The following ZNF518B variants were observed in gnomAD, a reference collection of about 807,000 sequenced individuals.
The protein encoded by ZNF518B is zinc finger protein 518B.
In ZNF518B, 23 loss-of-function variants were observed where a neutral mutation model predicts 56.3. That is an observed-to-expected ratio of 0.41 (90% confidence interval 0.29 to 0.58). The LOEUF (loss-of-function observed/expected upper bound fraction) is 0.58, where lower values mean the gene tolerates loss of function less well. Among genes scored for constraint, ZNF518B ranks in the 20% least tolerant of loss-of-function variants. The pLI, the probability that ZNF518B is intolerant of heterozygous loss-of-function variation, is 0.32. For synonymous variants in ZNF518B, 529 were observed against 465.9 expected (o/e 1.14, Z -1.74); for missense variants, 1,460 against 1,272.1 (o/e 1.15, Z -2.25).
Position 10,443,263 on chromosome 4 carries a change from C to G in ZNF518B, c.3066G>C (p.Gln1022His), listed in dbSNP as rs1246536908. The G allele has an allele frequency of 6.2e-7, 1 of 1,614,194 alleles. No homozygotes were observed. The highest frequency in any genetic ancestry group is 8.5e-7 in the Non-Finnish European group (1 of 1,180,028). Residue 1022 changes from glutamine to histidine, a missense_variant, in exon 3 of 3, where the codon CAG becomes CAC. By Grantham distance (24) the Gln-to-His change is conservative. Transcript: ENST00000326756. ...AATCATCAGGCAAGGAATCCACTAC[C>G]TGGTAGTTGTTTTTATGAACTTTTT... ...KLKKVHKNNYQVVDSLPDDSS... is the reference protein window; with the variant it reads ...KLKKVHKNNYHVVDSLPDDSS...
Position 10,443,301 on chromosome 4 carries a change from T to A in ZNF518B, c.3028A>T (p.Lys1010Ter). The A allele has an allele frequency of 6.2e-7, 1 of 1,614,222 alleles. No individual in the cohort carries two copies. Among genetic ancestry groups the A allele is most frequent in the Non-Finnish European group, 8.5e-7 (1 of 1,180,032 alleles). Reference sequence around the variant, plus strand: ...TTATGAACTTTTTTGAGTTTCATTTTCAACATCATTTGCCTTTTAATTTGA... The same window carrying A: ...TTATGAACTTTTTTGAGTTTCATTTACAACATCATTTGCCTTTTAATTTGA... ...ASQIKRQMMLKMKLKKVHKNN... is the reference protein window; with the variant it reads ...ASQIKRQMML The change falls in exon 3 of 3, where the codon AAA becomes TAA. Residue 1010 changes from lysine to a stop codon, truncating the protein, a stop_gained. Coordinates refer to ENST00000326756, the MANE Select transcript of ZNF518B (RefSeq NM_053042.3). LOFTEE classifies it high-confidence loss of function.
upstream of ZNF518B, among the ~76,000 whole-genome samples, chr4:10,458,086 T>C (rs887561759): frequency 6.6e-6 from 1 of 152,278 alleles, no homozygotes; most frequent in African/African-American, 2.4e-5. Flanking sequence ...TCCTGCCTCC[T>C]GGACTTCGGT....
rs1033417379 is a variant in ZNF518B at position 10,457,400 on chromosome 4, T to G, written c.-479A>C. On this transcript the variant is annotated 5_prime_UTR_variant, in exon 1 of 3. Transcript: ENST00000326756. ...CAGACCGCCGGCGCCGCGCCCGCTGTAGGTCCCTACCCGGGGGGCGGAGCC... is the reference window on the plus strand; with the variant it reads ...CAGACCGCCGGCGCCGCGCCCGCTGGAGGTCCCTACCCGGGGGGCGGAGCC... 1.3e-5 allele frequency: 2 copies of G among 151,784 alleles called. No individual in the cohort carries two copies. The highest frequency in any genetic ancestry group is 4.8e-5 in the African/African-American group (2 of 41,360). 9.4% of individuals were successfully genotyped at this position (151,784 alleles called of 1,614,324 possible). A position where few individuals can be genotyped will look rare whatever the true frequency, so the allele number is the denominator to read the frequency against.
intron 2 of ZNF518B, among the ~76,000 whole-genome samples, chr4:10,449,134 CA>C (rs1715195058): frequency 6.6e-6 from 1 of 152,164 alleles, no homozygotes; most frequent in African/African-American, 2.4e-5. Context: ...CCAAGAAAAC[CA>C]AAGCCTAAGG....
At position 10,446,377 on chromosome 4, in the gene ZNF518B, C is replaced by G; in HGVS notation, c.-49G>C. ...CCAACTAAAATTCAGAAAGTTTTCA[C>G]ATGATAAAATCCTTAGGAGATATCC... is the stretch of plus-strand genomic sequence containing the variant. On this transcript the variant is annotated 5_prime_UTR_variant, in exon 3 of 3. It removes an upstream start codon present in the reference 5' UTR. Transcript: ENST00000326756. The G allele has an allele frequency of 6.4e-7, 1 of 1,553,390 alleles. No individual in the cohort carries two copies. Among genetic ancestry groups the G allele is most frequent in the Non-Finnish European group, 8.8e-7 (1 of 1,136,288 alleles).
Position 10,445,735 on chromosome 4 carries a change from AC to A in ZNF518B, c.593del (p.Gly198ValfsTer46), listed in dbSNP as rs1560171313. 1 of 1,614,104 alleles carries A rather than the reference AC, an allele frequency of 6.2e-7. No homozygotes were observed. The highest frequency in any genetic ancestry group is 8.5e-7 in the Non-Finnish European group (1 of 1,180,024). On this transcript the variant is annotated frameshift_variant, in exon 3 of 3. Transcript: ENST00000326756. LOFTEE classifies it low-confidence loss of function (END_TRUNC). ...FPYQCEYCDY[G>X]AIRNDYIVKH... ...TGACAATATAATCATTTCTAATAGC[AC>A]CATAGTCACAATACTCACACTGATA... is the stretch of plus-strand genomic sequence containing the variant.
chr4:10,443,626 G>T lies in ZNF518B; in HGVS notation c.2703C>A (p.Asn901Lys). 1 of 1,614,062 alleles carries T rather than the reference G, an allele frequency of 6.2e-7. No homozygotes were observed. Among genetic ancestry groups the T allele is most frequent in the Middle Eastern group, 1.6e-4 (1 of 6,062 alleles). ...AGCGGCTAGGTTCAGCTTGAATTTTGTTTTTCTTCCTGGATAAGTGTACTT... is the reference window on the plus strand; with the variant it reads ...AGCGGCTAGGTTCAGCTTGAATTTTTTTTTTCTTCCTGGATAAGTGTACTT... ...TKQVHLSRKKNKIQAEPSRCL... is the reference protein window; with the variant it reads ...TKQVHLSRKKKKIQAEPSRCL... Residue 901 changes from asparagine (N) to lysine (K), a missense_variant, in exon 3 of 3, where the codon AAC becomes AAA. By Grantham distance (94) the Asn-to-Lys change is moderately conservative. Coordinates refer to ENST00000326756, the MANE Select transcript of ZNF518B (RefSeq NM_053042.3).
chr4:10,460,304 C>CAAAAAAAAAAAAAAA (rs1210892613), upstream of ZNF518B, among the ~76,000 whole-genome samples: 1 of 8,802 alleles, frequency 1.1e-4, no homozygotes, highest in Non-Finnish European at 1.6e-4. Context: ...GACTCTGTCT[C>CAAAAAAAAAAAAAAA]AAAAAAAAAA....
At position 10,444,744 on chromosome 4, in the gene ZNF518B, G is replaced by C. The variant is rs748897328; in HGVS notation, c.1585C>G (p.Pro529Ala). ...NLHSSSQQLLPFAASPATCSF... is the reference protein window; with the variant it reads ...NLHSSSQQLLAFAASPATCSF... ...CAGGTTGCAGGTGATGCAGCAAATG[G>C]GAGTAACTGCTGTGAGCTACTGTGT... is the stretch of plus-strand genomic sequence containing the variant. Residue 529 changes from proline (P) to alanine (A), a missense_variant, in exon 3 of 3, where the codon CCA becomes GCA. Physicochemically the swap from Pro to Ala is conservative, Grantham distance 27 (BLOSUM62 -1). Transcript: ENST00000326756. The C allele has an allele frequency of 6.2e-7, 1 of 1,613,996 alleles. No homozygotes were observed. Among genetic ancestry groups the C allele is most frequent in the South Asian group, 1.1e-5 (1 of 91,070 alleles).
chr4:10,445,185 A>T lies in ZNF518B; in HGVS notation c.1144T>A (p.Ser382Thr), dbSNP rs1714934650. ...LEAGRDNGGN[S>T]ERMVKEKGSN... is the part of the protein sequence containing the mutation. ...CCCTTCTCTTTCACCATACGTTCAG[A>T]ATTACCTCCATTATCCCTCCCAGCT... The change falls in exon 3 of 3, where the codon TCT becomes ACT. Residue 382 changes from serine to threonine, a missense_variant. Physicochemically the swap from Ser to Thr is moderately conservative, Grantham distance 58. Transcript: ENST00000326756. 6.2e-7 allele frequency: 1 copy of T among 1,614,186 alleles called. No individual in the cohort carries two copies. Among genetic ancestry groups the T allele is most frequent in the South Asian group, 1.1e-5 (1 of 91,082 alleles).
upstream of ZNF518B, among the ~76,000 whole-genome samples, chr4:10,459,873 G>A (rs147133028): frequency 1.1e-3 from 175 of 152,202 alleles, 1 homozygote; most frequent in African/African-American, 4.1e-3. Flanking sequence ...ATGTTTGTTT[G>A]GTACAGCCAC....
rs1714607868 is a variant in ZNF518B at position 10,440,166 on chromosome 4, A to G, written c.*2938T>C. The stretch of plus-strand genomic sequence containing the variant: ...AAAGGGATGGAGCTTGTGAGAAAAT[A>G]TATTTTGTTCAGTCTAGTTCAACAG... On this transcript the variant is annotated 3_prime_UTR_variant, in exon 3 of 3. Transcript: ENST00000326756. The G allele has an allele frequency of 6.6e-6, 1 of 152,356 alleles. No individual in the cohort carries two copies. The highest frequency in any genetic ancestry group is 2.1e-4 in the South Asian group (1 of 4,834). The allele number at this position is 152,356 out of a possible 1,614,324, so 9.4% of individuals were successfully genotyped here.
Position 10,446,008 on chromosome 4 carries a change from C to T in ZNF518B, c.321G>A (p.Ala107=), listed in dbSNP as rs1287568633. The change falls in exon 3 of 3, where the codon GCG becomes GCA. Residue 107 remains alanine (A), a synonymous_variant. Coordinates refer to ENST00000326756, the MANE Select transcript of ZNF518B (RefSeq NM_053042.3). ...NFHFVSNNSS[A]THVGNKTENF... is the part of the protein sequence containing the mutation. ...TTTCAGTTTTATTTCCAACATGAGT[C>T]GCACTGGAATTATTGCTCACAAAAT... is the stretch of plus-strand genomic sequence containing the variant. The T allele has an allele frequency of 1.2e-6, 2 of 1,613,954 alleles. No homozygotes were observed. The highest frequency in any genetic ancestry group is 1.3e-5 in the African/African-American group (1 of 74,904).
rs769591159 is a variant in ZNF518B, at chr4:10,444,970, G to C, written c.1359C>G (p.Ser453=). 30 of 1,612,646 alleles carry C rather than the reference G, an allele frequency of 1.9e-5. No individual in the cohort carries two copies. The highest frequency in any genetic ancestry group is 3.4e-5 in the Admixed American group (2 of 59,572). The change falls in exon 3 of 3, where the codon TCC becomes TCG. Residue 453 remains serine (S), a synonymous_variant. Transcript: ENST00000326756. ...CCTCAATTGTTTCCGAATTAATGAA[G>C]GATTTTCCATTGTTGTGCACACTAG... is the stretch of plus-strand genomic sequence containing the variant. ...PNSSVHNNGK[S]FINSETIEDF...
rs1577216913 is a variant in ZNF518B, at chr4:10,440,404, T to C, written c.*2700A>G. ...AAAAAATAAGTTGAAAATGATTTTA[T>C]TGGCAGTATTAACAAAATGTAGTGA... On this transcript the variant is annotated 3_prime_UTR_variant, in exon 3 of 3. Transcript: ENST00000326756. 6.6e-6 allele frequency: 1 copy of C among 152,618 alleles called. No homozygotes were observed. Among genetic ancestry groups the C allele is most frequent in the South Asian group, 2.1e-4 (1 of 4,830 alleles). The allele number at this position is 152,618 out of a possible 1,614,324, so 9.5% of individuals were successfully genotyped here. A position where few individuals can be genotyped will look rare whatever the true frequency, so the allele number is the denominator to read the frequency against.
chr4:10,453,436 T>C (rs561320612), intron 2 of ZNF518B: 1 of 152,296 alleles, frequency 6.6e-6, no homozygotes, highest in South Asian at 2.1e-4. Flanking sequence ...TTGACACTGC[T>C]GTGCACATCA....
intron 2 of ZNF518B, chr4:10,450,930 GT>G (rs1478476016): frequency 2.6e-5 from 4 of 152,190 alleles, no homozygotes; most frequent in African/African-American, 9.7e-5. Context: ...TAATCTGCCT[GT>G]TTTCAAAAAA....
rs762013706 is a variant in ZNF518B, at chr4:10,444,071, T to A, written c.2258A>T (p.Asn753Ile). The change falls in exon 3 of 3, where the codon AAT becomes ATT. Residue 753 changes from asparagine to isoleucine, a missense_variant. By Grantham distance (149) the Asn-to-Ile change is moderately radical. Coordinates refer to ENST00000326756, the MANE Select transcript of ZNF518B (RefSeq NM_053042.3). ...GGCCACTCTGCTTTTGGTTTTCCTA[T>A]TACTGCCATCTGCAAAGTGTGGATA... is the stretch of plus-strand genomic sequence containing the variant. The part of the protein sequence containing the change: ...QIYPHFADGS[N>I]RKTKSRVARK... 6.2e-7 allele frequency: 1 copy of A among 1,614,222 alleles called. No individual in the cohort carries two copies. Among genetic ancestry groups the A allele is most frequent in the Non-Finnish European group, 8.5e-7 (1 of 1,180,040 alleles).
chr4:10,445,465 T>G lies in ZNF518B; in HGVS notation c.864A>C (p.Val288=). The G allele has an allele frequency of 1.2e-6, 2 of 1,614,264 alleles. No homozygotes were observed. Among genetic ancestry groups the G allele is most frequent in the Admixed American group, 1.7e-5 (1 of 60,032 alleles). Residue 288 remains valine (V), a synonymous_variant, in exon 3 of 3, where the codon GTA becomes GTC. Coordinates refer to ENST00000326756, the MANE Select transcript of ZNF518B (RefSeq NM_053042.3). ...GGGTCATTTTATTTGGAATACAAAC[T>G]ACATCTTTTTGGTATTCCTTTGGTT... ...LPEPKEYQKD[V]VCIPNKMTLS... is the part of the protein sequence containing the mutation.
Sources: gnomAD v4.1 joint callset for allele counts (sites outside exome capture counted in the v4.1 genomes callset) on GRCh38, gnomAD v4.1.1 for gene constraint, MANE v1.5 for transcripts, NCBI Gene and HGNC (gene_info 2026-07-23, HGNC 2026-07-21) for gene names.